SMG6: variants seen among roughly 807,000 people sequenced by gnomAD.
SMG6 encodes the protein telomerase-binding protein EST1A.
A neutral mutation model predicts 142.2 loss-of-function variants in SMG6; 66 were observed. That is an observed-to-expected ratio of 0.46 (90% CI 0.38 to 0.57). SMG6 has a LOEUF of 0.57. Ranked by LOEUF, SMG6 falls within the 20% of genes least tolerant of loss-of-function variation. The probability of loss-of-function intolerance (pLI) is 0.00; values close to 1 mark genes in which losing one functional copy is unlikely to be tolerated. For synonymous variants in SMG6, 779 were observed against 702.4 expected (o/e 1.11, Z -1.72); for missense variants, 1,793 against 1,832.0 (o/e 0.98, Z 0.39).
chr17:2,279,654 G>A (rs1190350933), intron 8 of SMG6, among the ~76,000 whole-genome samples: 1 of 152,134 alleles, frequency 6.6e-6, no homozygotes, highest in African/African-American at 2.4e-5. Context: ...TTCAAGTTAC[G>A]ATTAGGAGGT....
At chr17:2,200,556 G>A (rs2151721638) in intron 10 of SMG6, among the ~76,000 whole-genome samples, 1 of 151,804 alleles carries the variant, frequency 6.6e-6, no homozygotes, top group South Asian at 2.1e-4. Flanking sequence ...TGTAGAGACA[G>A]GGTCTTGTTT....
chr17:2,073,490 CATGAGGT>C (rs924079918), intron 15 of SMG6, among the ~76,000 whole-genome samples: 11 of 151,744 alleles, frequency 7.2e-5, no homozygotes, highest in African/African-American at 2.7e-4. Flanking sequence ...GCGGGTGGAT[CATGAGGT>C]CAGGAGTTCG....
chr17:2,211,836 C>A (rs1391839466), intron 10 of SMG6, among the ~76,000 whole-genome samples: 1 of 152,164 alleles, frequency 6.6e-6, no homozygotes, highest in Non-Finnish European at 1.5e-5. Flanking sequence ...CTGTTTCCCT[C>A]TGGGTGTGGC....
chr17:2,292,422 G>A, intron 6 of SMG6, 130 bp downstream of exon 6: 1 of 862,858 alleles, frequency 1.2e-6, no homozygotes, highest in Non-Finnish European at 1.9e-6. Context: ...GTAACAAAAG[G>A]AGTTTGAGGG....
At chr17:2,265,467 G>A (rs1490545188) in intron 8 of SMG6, among the ~76,000 whole-genome samples, 2 of 151,294 alleles carry the variant, frequency 1.3e-5, no homozygotes, top group African/African-American at 2.4e-5. Context: ...CTGAGATTGC[G>A]CCACTGCACT....
At position 2,297,189 on chromosome 17, in the gene SMG6, A is replaced by G. The variant is rs988523119; in HGVS notation, c.2151+54T>C. 5 of 1,314,174 alleles carry G rather than the reference A, an allele frequency of 3.8e-6. No homozygotes were observed. In the African/African-American group the frequency reaches 7.4e-5, roughly 19 times the overall value. The allele number at this position is 1,314,174 out of a possible 1,614,324, so 81.4% of individuals were successfully genotyped here. ...GTGTCTAGCACATACCTAACACTAGATAAACGCTTACGAAATGAATGAAAA... is the reference window on the plus strand; with the variant it reads ...GTGTCTAGCACATACCTAACACTAGGTAAACGCTTACGAAATGAATGAAAA... On this transcript the variant is annotated intron_variant, in intron 4 of 18. Coordinates refer to ENST00000263073, the MANE Select transcript of SMG6 (RefSeq NM_017575.5).
intron 8 of SMG6, 24 bp from the exon 9 acceptor site, chr17:2,244,743 G>C: frequency 1.9e-6 from 3 of 1,600,100 alleles, no homozygotes; most frequent in Non-Finnish European, 2.6e-6. Flanking sequence ...AGGGAGAGGA[G>C]AAAACAATTA....
At position 2,068,726 on chromosome 17, in the gene SMG6, A is replaced by AG. The variant is rs2068015692; in HGVS notation, c.3835+51dup. ...CCCCCAGGCCGTGGGGCGTGTGTGG[A>AG]GGGGGCTGCTGTGCACATGCAAGGC... On this transcript the variant is annotated intron_variant, in intron 16 of 18. Coordinates refer to ENST00000263073, the MANE Select transcript of SMG6 (RefSeq NM_017575.5). The surrounding 1 kb of genome is among the most constrained non-coding windows in gnomAD (Gnocchi z 6.7). The AG allele has an allele frequency of 6.3e-7, 1 of 1,578,492 alleles. No individual in the cohort carries two copies. Among genetic ancestry groups the AG allele is most frequent in the Non-Finnish European group, 8.6e-7 (1 of 1,158,942 alleles).
intron 10 of SMG6, among the ~76,000 whole-genome samples, chr17:2,198,897 C>T (rs1397375620): frequency 1.4e-5 from 2 of 145,254 alleles, no homozygotes; most frequent in Admixed American, 7.2e-5. Flanking sequence ...CGGCTCCTCA[C>T]CAGCTTACAC....
chr17:2,073,854 G>A lies in SMG6; in HGVS notation c.3682-4923C>T, dbSNP rs371036782. ...AGCACTTTGGGAGGCAGAGGTAGGC[G>A]GATCACTTGAGGTCAGGAGTTTGAG... is the stretch of plus-strand genomic sequence containing the variant. On this transcript the variant is annotated intron_variant, in intron 15 of 18. Coordinates refer to ENST00000263073, the MANE Select transcript of SMG6 (RefSeq NM_017575.5). Among the ~76,000 whole-genome samples the A allele has an allele frequency of 3.9e-5, 6 of 152,086 alleles. No homozygotes were observed. In the South Asian group the frequency reaches 8.3e-4, roughly 21 times the overall value.
intron 8 of SMG6, among the ~76,000 whole-genome samples, chr17:2,259,435 T>C (rs2074263649): frequency 6.6e-6 from 1 of 152,050 alleles, no homozygotes; most frequent in Non-Finnish European, 1.5e-5. Context: ...ACGGGCACAG[T>C]AGCTCATGCC....
At chr17:2,125,107 GTC>G (rs1369116716) in intron 13 of SMG6, among the ~76,000 whole-genome samples, 3 of 152,160 alleles carry the variant, frequency 2.0e-5, no homozygotes, top group South Asian at 2.1e-4. Context: ...CCAGAGCAGA[GTC>G]TACTTTTTGC....
chr17:2,303,575 G>C (rs1020026760), intron 1 of SMG6, 58 bp downstream of exon 1: 2 of 1,372,084 alleles, frequency 1.5e-6, no homozygotes, highest in Admixed American at 3.7e-5. Context: ...AGGCAGAGGA[G>C]GAGGAGAGGG....
At chr17:2,176,175 G>A (rs1418245809) in intron 12 of SMG6, among the ~76,000 whole-genome samples, 1 of 152,234 alleles carries the variant, frequency 6.6e-6, no homozygotes, top group African/African-American at 2.4e-5. Context: ...TGGGAGGTCA[G>A]TTCTGTGGGT....
At position 2,228,592 on chromosome 17, in the gene SMG6, G is replaced by C. The variant is rs2073383435; in HGVS notation, c.2869+7900C>G. On this transcript the variant is annotated intron_variant, in intron 10 of 18. Coordinates refer to ENST00000263073, the MANE Select transcript of SMG6 (RefSeq NM_017575.5). ...TGACCAGGCTGGTCTTGAACTCCTG[G>C]CCTCAAGTGATCTGCCCGCCTCGGC... Among the ~76,000 whole-genome samples the C allele has an allele frequency of 2.0e-5, 3 of 151,152 alleles. No homozygotes were observed. The South Asian group carries it at 6.3e-4, about 32-fold the overall frequency.
In SMG6 at chr17:2,300,296, G is replaced by A. The variant is rs1368476103; in HGVS notation, c.457C>T (p.Gln153Ter). Residue 153 changes from glutamine (Q) to a stop codon, truncating the protein, a stop_gained, in exon 2 of 19, where the codon CAG becomes TAG. Transcript: ENST00000263073. LOFTEE classifies it high-confidence loss of function. ...CTGGCGGATTCTTTGCTAACAGTCTGCAAACGTCGTCCAGGCTGATAGATC... is the reference window on the plus strand; with the variant it reads ...CTGGCGGATTCTTTGCTAACAGTCTACAAACGTCGTCCAGGCTGATAGATC... ...LQIYQPGRRL[Q>*]TVSKESASRV... is the part of the protein sequence containing the mutation. 1.2e-6 allele frequency: 2 copies of A among 1,614,018 alleles called. No individual in the cohort carries two copies. Among genetic ancestry groups the A allele is most frequent in the African/African-American group, 1.3e-5 (1 of 75,042 alleles).
rs1030920235 is a variant in SMG6, at chr17:2,085,161, C to T, written c.3534+564G>A. Among the ~76,000 whole-genome samples the T allele has an allele frequency of 6.6e-6, 1 of 152,076 alleles. No homozygotes were observed. The highest frequency in any genetic ancestry group is 2.4e-5 in the African/African-American group (1 of 41,394). On this transcript the variant is annotated intron_variant, in intron 14 of 18. Transcript: ENST00000263073. This position sits in a 1 kb window ranked among gnomAD's most constrained non-coding sequence, Gnocchi z 4.1. ...ACACACAGACGCGCACACACACACA[C>T]AGACACACACACACGAGTCTGGAGT...
chr17:2,065,619 T>C lies in SMG6; in HGVS notation c.3896A>G (p.Tyr1299Cys). Residue 1299 changes from tyrosine (Y) to cysteine (C), a missense_variant, in exon 17 of 19, where the codon TAC (tyrosine) becomes TGC (cysteine). Tyr to Cys is a radical substitution (Grantham distance 194, BLOSUM62 -2). This residue lies in a region of SMG6 where 179 missense variants were observed against 212.6 expected (regional missense o/e 0.84). Transcript: ENST00000263073. ...GGCCTTCTCTTGTACCACACGGGCG[T>C]AGCCCCCAGCCCGGTGGTCTGTCTC... is the stretch of plus-strand genomic sequence containing the variant. Reference protein sequence around the residue: ...GQETDHRAGGYARVVQEKARK... With the variant: ...GQETDHRAGGCARVVQEKARK... 1 of 1,614,014 alleles carries C rather than the reference T, an allele frequency of 6.2e-7. No homozygotes were observed. Among genetic ancestry groups the C allele is most frequent in the Non-Finnish European group, 8.5e-7 (1 of 1,180,040 alleles).
chr17:2,081,064 A>G (rs2068409466), intron 15 of SMG6, among the ~76,000 whole-genome samples: 1 of 152,210 alleles, frequency 6.6e-6, no homozygotes, highest in Admixed American at 6.5e-5. Context: ...ATCAAACCCT[A>G]TGCCAAAGGA....
Sources: allele counts gnomAD v4.1 joint callset (sites outside exome capture counted in the v4.1 genomes callset), GRCh38; gene constraint gnomAD v4.1.1; regional missense constraint gnomAD v4.1.1; non-coding constraint Gnocchi (gnomAD v3.1); transcripts MANE v1.5; gene names NCBI Gene and HGNC (gene_info 2026-07-23, HGNC 2026-07-21).